PHF20L1: variants seen among roughly 807,000 people sequenced by gnomAD.
PHF20L1 encodes the protein PHD finger protein 20-like protein 1.
In PHF20L1, 44 loss-of-function variants were observed where a neutral mutation model predicts 125.5. That is an observed-to-expected ratio of 0.35 (90% CI 0.28 to 0.45). The LOEUF (loss-of-function observed/expected upper bound fraction) is 0.45, where lower values mean the gene tolerates loss of function less well. PHF20L1 is among the 20% of genes least tolerant of loss of function. The pLI is 1.00. For missense variants in PHF20L1, 1,012 were observed against 1,217.2 expected, an observed-to-expected ratio of 0.83 and a Z score of 2.51; for synonymous variants, 380 against 403.1, an observed-to-expected ratio of 0.94 and a Z score of 0.69.
intron 15 of PHF20L1, 82 bp from the exon 16 acceptor site, chr8:132,836,458 A>G (rs1202309947): frequency 2.3e-6 from 2 of 871,034 alleles, no homozygotes; most frequent in East Asian, 2.5e-5. Flanking sequence ...GCTTATGTTC[A>G]CTTCTCATAG....
chr8:132,816,498 G>A (rs573388958), intron 10 of PHF20L1: 1 of 157,644 alleles, frequency 6.3e-6, no homozygotes, highest in African/African-American at 2.4e-5. Flanking sequence ...TTGCAATGTA[G>A]CAAAAGGAAT....
intron 12 of PHF20L1, chr8:132,818,883 A>G (rs1180472418): frequency 6.6e-6 from 1 of 151,924 alleles, no homozygotes; most frequent in East Asian, 1.9e-4. Context: ...TTATTTTCAA[A>G]TGTACATGTG....
At chr8:132,824,778 CAAA>C (rs1835977663) in intron 13 of PHF20L1, 1 of 183,470 alleles carries the variant, frequency 5.5e-6, no homozygotes, top group Non-Finnish European at 1.2e-5. Flanking sequence ...GTTAAACACA[CAAA>C]GAATGTAAAT....
rs1184118420 is a variant in PHF20L1, at chr8:132,791,254, CTTTT to C, written c.84-3136_84-3133del. On this transcript the variant is annotated intron_variant, in intron 2 of 20. Transcript: ENST00000395386. Reference sequence around the variant, plus strand: ...GCCCATCAGTGATAGGAGTTATTTCCTTTTTTTTTTTTTTTTTTTTTTTAATACG... The same window carrying C: ...GCCCATCAGTGATAGGAGTTATTTCCTTTTTTTTTTTTTTTTTTTAATACG... Among the ~76,000 whole-genome samples the C allele has an allele frequency of 2.6e-5, 3 of 117,126 alleles. No individual in the cohort carries two copies. The East Asian group carries it at 6.7e-4, about 26-fold the overall frequency. The allele number at this position is 117,126 out of a possible 152,430, so 76.8% of individuals were successfully genotyped here. A position where few individuals can be genotyped will look rare whatever the true frequency, so the allele number is the denominator to read the frequency against.
At chr8:132,832,187 A>T in intron 14 of PHF20L1, 48 bp from the exon 15 acceptor site, 1 of 1,182,100 alleles carries the variant, frequency 8.5e-7, no homozygotes, top group Non-Finnish European at 1.3e-6. Flanking sequence ...TAGTGACCTT[A>T]ATTATCTGAC....
chr8:132,793,284 A>G (rs1168089357), intron 2 of PHF20L1, among the ~76,000 whole-genome samples: 1 of 152,180 alleles, frequency 6.6e-6, no homozygotes, highest in Non-Finnish European at 1.5e-5. Flanking sequence ...GCTCAATATC[A>G]TTAGATCAAA....
chr8:132,805,531 T>G (rs1833585204), intron 8 of PHF20L1, among the ~76,000 whole-genome samples: 1 of 151,992 alleles, frequency 6.6e-6, no homozygotes, highest in Non-Finnish European at 1.5e-5. Context: ...TTTAAATACT[T>G]TCATGATTTA....
At chr8:132,813,114 G>A (rs930977842) in intron 9 of PHF20L1, 1 of 971,712 alleles carries the variant, frequency 1.0e-6, no homozygotes, top group African/African-American at 1.8e-5. Flanking sequence ...TTATAACTTT[G>A]TAACTTGAGA....
At chr8:132,783,187 T>A (rs1178921373) in intron 2 of PHF20L1, among the ~76,000 whole-genome samples, 1 of 152,186 alleles carries the variant, frequency 6.6e-6, no homozygotes, top group Non-Finnish European at 1.5e-5. Context: ...TCTGACTCTT[T>A]TGGAATATTT....
intron 16 of PHF20L1, 119 bp downstream of exon 16, chr8:132,836,840 CTG>C (rs1162773448): frequency 1.4e-6 from 1 of 708,666 alleles, no homozygotes; most frequent in Non-Finnish European, 2.4e-6. Flanking sequence ...TTCTAACTTA[CTG>C]TGTGGAAAAT....
chr8:132,832,528 T>C, intron 15 of PHF20L1, 129 bp downstream of exon 15: 1 of 604,974 alleles, frequency 1.7e-6, no homozygotes, highest in Non-Finnish European at 2.8e-6. Flanking sequence ...AAAGTCTTGA[T>C]GTGAGAAATT....
rs60984339 is a variant in PHF20L1, at chr8:132,848,208, A to G, written c.*2285A>G. On this transcript the variant is annotated 3_prime_UTR_variant, in exon 21 of 21. Transcript: ENST00000395386. ...AGCAAATTGAAAATTCCATTATTAGATTAATGAAATTTTTGCTCTGCTTAT... is the reference window on the plus strand; with the variant it reads ...AGCAAATTGAAAATTCCATTATTAGGTTAATGAAATTTTTGCTCTGCTTAT... 0.14 allele frequency: 21,927 copies of G among 152,072 alleles called. 2,244 individuals are homozygous for G. The highest frequency in any genetic ancestry group is 0.29 in the African/African-American group (11,941 of 41,456). 9.4% of individuals were successfully genotyped at this position (152,072 alleles called of 1,614,324 possible). A position where few individuals can be genotyped will look rare whatever the true frequency, so the allele number is the denominator to read the frequency against.
chr8:132,825,360 C>G lies in PHF20L1; in HGVS notation c.1733C>G (p.Ser578Cys). The G allele has an allele frequency of 6.7e-7, 1 of 1,503,256 alleles. No individual in the cohort carries two copies. Among genetic ancestry groups the G allele is most frequent in the Non-Finnish European group, 9.0e-7 (1 of 1,115,482 alleles). The allele number at this position is 1,503,256 out of a possible 1,614,324, so 93.1% of individuals were successfully genotyped here. A position where few individuals can be genotyped will look rare whatever the true frequency, so the allele number is the denominator to read the frequency against. Residue 578 changes from serine to cysteine, a missense_variant, in exon 14 of 21, where the codon TCT becomes TGT. Transcript: ENST00000395386. ...AAGAAGAAAAAAAAGAAAAAGAAATCTAAGCAACATGGTAAGTACACTGAG... is the reference window on the plus strand; with the variant it reads ...AAGAAGAAAAAAAAGAAAAAGAAATGTAAGCAACATGGTAAGTACACTGAG... Reference protein sequence around the residue: ...QKKKKKKKKKSKQHDYSDYED... With the variant: ...QKKKKKKKKKCKQHDYSDYED...
chr8:132,778,363 A>G (rs905801320), intron 2 of PHF20L1, among the ~76,000 whole-genome samples: 3 of 152,108 alleles, frequency 2.0e-5, no homozygotes, highest in Admixed American at 1.3e-4. Flanking sequence ...TTTCATAGTG[A>G]ACACTTTCAA....
At chr8:132,843,100 A>G (rs1337874255) in intron 19 of PHF20L1, 2 of 1,227,380 alleles carry the variant, frequency 1.6e-6, no homozygotes, top group Admixed American at 3.9e-5. Context: ...ATAAACTGTT[A>G]CTCTAACAAA....
intron 8 of PHF20L1, 126 bp downstream of exon 8, chr8:132,804,866 A>T: frequency 1.3e-6 from 1 of 792,850 alleles, no homozygotes; most frequent in Non-Finnish European, 2.0e-6. Context: ...AAAGACAATT[A>T]CTTTGTGGTT....
At chr8:132,815,620 C>T (rs986679423) in intron 10 of PHF20L1, 5 of 151,822 alleles carry the variant, frequency 3.3e-5, no homozygotes, top group Admixed American at 1.3e-4. Flanking sequence ...AAATGAAATA[C>T]ATGATCAGTT....
chr8:132,777,804 G>T lies in PHF20L1; in HGVS notation c.-25G>T. 6.6e-7 allele frequency: 1 copy of T among 1,516,328 alleles called. No homozygotes were observed. The highest frequency in any genetic ancestry group is 1.1e-5 in the South Asian group (1 of 88,318). The allele number at this position is 1,516,328 out of a possible 1,614,324, so 93.9% of individuals were successfully genotyped here. A position where few individuals can be genotyped will look rare whatever the true frequency, so the allele number is the denominator to read the frequency against. ...TCTTTCTCTTGAGGTAGTGAAAAGA[G>T]AATACTGAAGAATAGGATCTCAAGA... On this transcript the variant is annotated 5_prime_UTR_variant, in exon 2 of 21. Coordinates refer to ENST00000395386, the MANE Select transcript of PHF20L1 (RefSeq NM_016018.5).
At chr8:132,845,058 T>C (rs1406561923) in intron 20 of PHF20L1, among the ~76,000 whole-genome samples, 1 of 152,006 alleles carries the variant, frequency 6.6e-6, no homozygotes, top group African/African-American at 2.4e-5. Context: ...TGGAAACCCA[T>C]TTTAGAAGCC....
Sources: gnomAD v4.1 joint callset for allele counts (sites outside exome capture counted in the v4.1 genomes callset) on GRCh38, gnomAD v4.1.1 for gene constraint, MANE v1.5 for transcripts, NCBI Gene and HGNC (gene_info 2026-07-23, HGNC 2026-07-21) for gene names.